Variants in FADS3 observed in about 807,000 individuals in gnomAD.
The protein encoded by FADS3 is cytochrome b5-related protein.
Under a neutral mutation model 60.4 loss-of-function variants are expected in FADS3, and 30 were observed. The ratio of observed to expected loss-of-function variants is 0.50; its 90% CI spans 0.37 to 0.67. The LOEUF is 0.67. Among genes scored for constraint, FADS3 ranks in the 30% least tolerant of loss-of-function variants. The pLI is 0.00. For synonymous variants in FADS3, 234 were observed against 249.3 expected (o/e 0.94, Z 0.58); for missense variants, 432 against 598.3 (o/e 0.72, Z 2.90).
At chr11:61,874,917 C>A (rs1774521410) in intron 11 of FADS3, among the ~76,000 whole-genome samples, 1 of 152,188 alleles carries the variant, frequency 6.6e-6, no homozygotes, top group South Asian at 2.1e-4. Context: ...TTGCTGTTTC[C>A]TTTGCTGGAA....
At position 61,876,329 on chromosome 11, in the gene FADS3, C is replaced by T. The variant is rs1416960448; in HGVS notation, c.1080+30G>A. 3.1e-6 allele frequency: 5 copies of T among 1,600,394 alleles called. No individual in the cohort carries two copies. In the African/African-American group the frequency reaches 6.7e-5, roughly 21 times the overall value. Reference sequence around the variant, plus strand: ...CTCCTAGCTGGGACCCCCCACCCCACCCAGGATGGGCCCCACCCCTGCTGC... The same window carrying T: ...CTCCTAGCTGGGACCCCCCACCCCATCCAGGATGGGCCCCACCCCTGCTGC... On this transcript the variant is annotated intron_variant, in intron 9 of 11. Coordinates refer to ENST00000278829, the MANE Select transcript of FADS3 (RefSeq NM_021727.5). The surrounding 1 kb of genome is among the most constrained non-coding windows in gnomAD (Gnocchi z 5.7).
In FADS3 at chr11:61,876,214, T is replaced by C. The variant is rs1472800286; in HGVS notation, c.1081-24A>G. 4.4e-6 allele frequency: 7 copies of C among 1,587,288 alleles called. No individual in the cohort carries two copies. The highest frequency in any genetic ancestry group is 1.1e-5 in the South Asian group (1 of 88,322). On this transcript the variant is annotated intron_variant, in intron 9 of 11. Transcript: ENST00000278829. The surrounding 1 kb of genome is among the most constrained non-coding windows in gnomAD (Gnocchi z 5.7). Reference sequence around the variant, plus strand: ...AGCTGCCGGAAGCCGGCGGGGCACATGTGAGGAGGCCGTTGCAGATCCCTG... The same window carrying C: ...AGCTGCCGGAAGCCGGCGGGGCACACGTGAGGAGGCCGTTGCAGATCCCTG...
chr11:61,883,610 G>T (rs1049351213), intron 1 of FADS3, among the ~76,000 whole-genome samples: 1 of 152,144 alleles, frequency 6.6e-6, no homozygotes. Context: ...CACACCCGGC[G>T]CAACGTGCAA....
In FADS3 at chr11:61,879,489, G is replaced by C; in HGVS notation, c.345C>G (p.Phe115Leu). ...GPLNAQLVED[F>L]RALHQAAEDM... ...CCTCGGCTGCCTGGTGCAGGGCTCG[G>C]AAGTCCTCGACCAGCTGCGCCTGCC... Residue 115 changes from phenylalanine (F) to leucine (L), a missense_variant, in exon 3 of 12, where the codon TTC becomes TTG. This residue lies in a region of FADS3 where 167 missense variants were observed against 188.8 expected (regional missense o/e 0.88). Coordinates refer to ENST00000278829, the MANE Select transcript of FADS3 (RefSeq NM_021727.5). 1 of 1,590,268 alleles carries C rather than the reference G, an allele frequency of 6.3e-7. No individual in the cohort carries two copies. The highest frequency in any genetic ancestry group is 8.5e-7 in the Non-Finnish European group (1 of 1,170,828).
At chr11:61,882,111 T>G (rs1391922391) in intron 1 of FADS3, 14 of 133,734 alleles carry the variant, frequency 1.0e-4, no homozygotes, top group African/African-American at 3.1e-4. Context: ...TTTTTTTTTT[T>G]TTTTTTTTTT....
intron 5 of FADS3, 127 bp from the exon 6 acceptor site, chr11:61,878,342 G>A (rs534597378): frequency 2.0e-5 from 27 of 1,351,594 alleles, no homozygotes; most frequent in East Asian, 4.6e-5. Context: ...CGGGCTGGTC[G>A]TCCCCAGCAG....
intron 1 of FADS3, among the ~76,000 whole-genome samples, chr11:61,889,955 C>G (rs1938441486): frequency 6.6e-6 from 1 of 152,180 alleles, no homozygotes; most frequent in South Asian, 2.1e-4. Context: ...AGCCGTGCCC[C>G]TCACCTCGCC....
chr11:61,881,101 C>T (rs1938114000), intron 1 of FADS3: 1 of 152,206 alleles, frequency 6.6e-6, no homozygotes. Flanking sequence ...TGCTTGAGGC[C>T]AGGAGTTCAA....
intron 1 of FADS3, among the ~76,000 whole-genome samples, chr11:61,884,773 C>G (rs897800622): frequency 6.6e-6 from 1 of 152,240 alleles, no homozygotes; most frequent in African/African-American, 2.4e-5. Context: ...CACACGCACC[C>G]AAGCGAGTGG....
At position 61,873,806 on chromosome 11, in the gene FADS3, TG is replaced by T; in HGVS notation, c.*7del. 1 of 1,609,850 alleles carries T rather than the reference TG, an allele frequency of 6.2e-7. No homozygotes were observed. The highest frequency in any genetic ancestry group is 8.5e-7 in the Non-Finnish European group (1 of 1,178,444). ...CTGAGCCCTTCTCTGCCCGCCTGGG[TG>T]TTGCCTTCACTGATGGAGGTAGGCG... On this transcript the variant is annotated 3_prime_UTR_variant, in exon 12 of 12. Transcript: ENST00000278829.
upstream of FADS3, chr11:61,891,868 G>C (rs906386002): frequency 2.6e-5 from 4 of 152,092 alleles, no homozygotes; most frequent in South Asian, 4.2e-4. Flanking sequence ...CCTGTTGGGC[G>C]TCCCGCAGCG....
Position 61,873,719 on chromosome 11 carries a change from G to T in FADS3, c.*95C>A. On this transcript the variant is annotated 3_prime_UTR_variant, in exon 12 of 12. Coordinates refer to ENST00000278829, the MANE Select transcript of FADS3 (RefSeq NM_021727.5). The stretch of plus-strand genomic sequence containing the variant: ...CAGGAGGGCAGGCAGGGCACCCCCA[G>T]GCTGGCCAGTGGAGGGGTGAGGGTA... The T allele has an allele frequency of 1.2e-6, 1 of 852,588 alleles. No individual in the cohort carries two copies. Among genetic ancestry groups the T allele is most frequent in the South Asian group, 1.4e-5 (1 of 70,184 alleles). The allele number at this position is 852,588 out of a possible 1,614,324, so 52.8% of individuals were successfully genotyped here.
At chr11:61,889,068 T>TA (rs1156371463) in intron 1 of FADS3, among the ~76,000 whole-genome samples, 2 of 87,992 alleles carry the variant, frequency 2.3e-5, no homozygotes. Flanking sequence ...GCTAATTTTG[T>TA]ATTTTTTTAG....
Position 61,877,209 on chromosome 11 carries a change from C to T in FADS3, c.886-246G>A. ...GCAGGGTGTGTTGGGGAAGACCCTG[C>T]CAGGGACACAGATGCCTGGCAGAGT... On this transcript the variant is annotated intron_variant, in intron 7 of 11. Transcript: ENST00000278829. This position sits in a 1 kb window ranked among gnomAD's most constrained non-coding sequence, Gnocchi z 4.7. The T allele has an allele frequency of 3.6e-6, 2 of 560,890 alleles. No individual in the cohort carries two copies. Among genetic ancestry groups the T allele is most frequent in the Non-Finnish European group, 3.2e-6 (1 of 313,386 alleles). 34.7% of individuals were successfully genotyped at this position (560,890 alleles called of 1,614,324 possible).
chr11:61,874,006 G>A (rs1408095047), intron 11 of FADS3, 141 bp from the exon 12 acceptor site: 11 of 613,866 alleles, frequency 1.8e-5, no homozygotes, highest in Admixed American at 8.5e-5. Flanking sequence ...GCAGCGATGC[G>A]GGCTGGAGGG....
Position 61,876,402 on chromosome 11 carries a change from T to C in FADS3, c.1037A>G (p.Lys346Arg), listed in dbSNP as rs772909945. The C allele has an allele frequency of 7.4e-6, 12 of 1,613,172 alleles. No individual in the cohort carries two copies. Among genetic ancestry groups the C allele is most frequent in the East Asian group, 2.2e-5 (1 of 44,830 alleles). ...VWITQMNHIP[K>R]EIGHEKHRDW... ...CCGGTGCTTCTCGTGGCCGATCTCCTTGGGGATGTGGTTCATCTGTGTGAT... is the reference window on the plus strand; with the variant it reads ...CCGGTGCTTCTCGTGGCCGATCTCCCTGGGGATGTGGTTCATCTGTGTGAT... The change falls in exon 9 of 12, where the codon AAG becomes AGG. Residue 346 changes from lysine to arginine, a missense_variant. Around this residue, in one of 5 missense-constraint regions of FADS3, gnomAD observed 48 missense variants for 101.3 expected, o/e 0.47. Coordinates refer to ENST00000278829, the MANE Select transcript of FADS3 (RefSeq NM_021727.5). This position sits in a 1 kb window ranked among gnomAD's most constrained non-coding sequence, Gnocchi z 5.7.
At position 61,878,810 on chromosome 11, in the gene FADS3, G is replaced by C. The variant is rs777278320; in HGVS notation, c.560C>G (p.Ala187Gly). 2 of 1,614,196 alleles carry C rather than the reference G, an allele frequency of 1.2e-6. No individual in the cohort carries two copies. The highest frequency in any genetic ancestry group is 1.7e-5 in the Admixed American group (1 of 60,030). ...CCACCAGGACTTCTTGAAGATGGAGGCATGGCCCAGGTCATGCTGCAGACA... is the reference window on the plus strand; with the variant it reads ...CCACCAGGACTTCTTGAAGATGGAGCCATGGCCCAGGTCATGCTGCAGACA... Reference protein sequence around the residue: ...SWCLQHDLGHASIFKKSWWNH... With the variant: ...SWCLQHDLGHGSIFKKSWWNH... Residue 187 changes from alanine (A) to glycine (G), a missense_variant, in exon 4 of 12, where the codon GCC becomes GGC. By Grantham distance (60) the Ala-to-Gly change is moderately conservative. Coordinates refer to ENST00000278829, the MANE Select transcript of FADS3 (RefSeq NM_021727.5).
chr11:61,882,895 A>G (rs896453129), intron 1 of FADS3, among the ~76,000 whole-genome samples: 6 of 152,066 alleles, frequency 3.9e-5, no homozygotes, highest in Admixed American at 1.3e-4. Flanking sequence ...ACACCAGGCT[A>G]ATTTTTGTAT....
Position 61,876,194 on chromosome 11 carries a change from C to A in FADS3, c.1081-4G>T. ...CCACGTTGCAGGTGGCTGCCAGCTG[C>A]CGGAAGCCGGCGGGGCACATGTGAG... On this transcript the variant is annotated splice_region_variant and splice_polypyrimidine_tract_variant and intron_variant, in intron 9 of 11. Coordinates refer to ENST00000278829, the MANE Select transcript of FADS3 (RefSeq NM_021727.5). This position sits in a 1 kb window ranked among gnomAD's most constrained non-coding sequence, Gnocchi z 5.7. The A allele has an allele frequency of 1.3e-6, 2 of 1,595,658 alleles. No homozygotes were observed. The highest frequency in any genetic ancestry group is 1.3e-5 in the African/African-American group (1 of 74,704).
Sources: gnomAD v4.1 joint callset for allele counts (sites outside exome capture counted in the v4.1 genomes callset) on GRCh38, gnomAD v4.1.1 for gene constraint, gnomAD v4.1.1 regional missense constraint, Gnocchi (gnomAD v3.1) non-coding constraint, MANE v1.5 for transcripts, NCBI Gene and HGNC (gene_info 2026-07-23, HGNC 2026-07-21) for gene names.